Variants in UHRF2 observed in about 807,000 individuals in gnomAD.
The protein encoded by UHRF2 is E3 ubiquitin-protein ligase UHRF2.
In UHRF2, 23 loss-of-function variants were observed where a neutral mutation model predicts 96.8. That is an observed-to-expected ratio of 0.24 (90% CI 0.17 to 0.34). The LOEUF (loss-of-function observed/expected upper bound fraction) is 0.34, where lower values mean the gene tolerates loss of function less well. UHRF2 is among the 10% of genes least tolerant of loss of function. UHRF2 has a pLI of 1.00. For synonymous variants in UHRF2, 385 were observed against 332.6 expected (o/e 1.16, Z -1.72); for missense variants, 685 against 981.5 (o/e 0.70, Z 4.04).
Position 6,413,572 on chromosome 9 carries a change from C to G in UHRF2, c.82C>G (p.Leu28Val), listed in dbSNP as rs1464241842. The G allele has an allele frequency of 6.2e-7, 1 of 1,603,212 alleles. No individual in the cohort carries two copies. The highest frequency in any genetic ancestry group is 8.5e-7 in the Non-Finnish European group (1 of 1,175,312). ...DVSRKATIEE[L>V]RERVWALFDV... ...GTCTCGCAAAGCCACGATTGAGGAG[C>G]TGCGCGAGCGGGTGTGGGCGCTGTT... Residue 28 changes from leucine to valine, a missense_variant, in exon 1 of 16, where the codon CTG (leucine) becomes GTG (valine). This residue lies in a region of UHRF2 where 38 missense variants were observed against 35.9 expected (regional missense o/e 1.06). Coordinates refer to ENST00000276893, the MANE Select transcript of UHRF2 (RefSeq NM_152896.3).
intron 1 of UHRF2, among the ~76,000 whole-genome samples, chr9:6,418,633 T>C (rs1038654104): frequency 2.0e-5 from 3 of 152,300 alleles, no homozygotes; most frequent in Admixed American, 6.5e-5. Context: ...GTAATACATA[T>C]GAAGAGTAGA....
At chr9:6,505,293 G>A (rs1370394850) in intron 15 of UHRF2, among the ~76,000 whole-genome samples, 2 of 152,046 alleles carry the variant, frequency 1.3e-5, no homozygotes, top group Admixed American at 1.3e-4. Context: ...GTGTGTGTGT[G>A]TGTATATATA....
At chr9:6,457,135 A>G (rs1416560951) in intron 3 of UHRF2, among the ~76,000 whole-genome samples, 1 of 152,176 alleles carries the variant, frequency 6.6e-6, no homozygotes, top group Admixed American at 6.5e-5. Flanking sequence ...TCTTCTATCC[A>G]TGAGCATGGA....
intron 4 of UHRF2, among the ~76,000 whole-genome samples, chr9:6,467,646 G>A (rs989806625): frequency 1.9e-5 from 2 of 104,178 alleles, no homozygotes; most frequent in Non-Finnish European, 3.6e-5. Flanking sequence ...AAATAAAAAT[G>A]TATCTTAAAT....
intron 3 of UHRF2, among the ~76,000 whole-genome samples, chr9:6,444,328 A>G (rs73642521): frequency 0.027 from 4,126 of 152,334 alleles, 199 homozygotes; most frequent in African/African-American, 0.091. Flanking sequence ...GTGGATGGTA[A>G]TCAAAAGGAG....
chr9:6,430,697 A>G (rs967885359), intron 2 of UHRF2, among the ~76,000 whole-genome samples: 2 of 152,074 alleles, frequency 1.3e-5, no homozygotes, highest in Non-Finnish European at 2.9e-5. Flanking sequence ...CTACAATCCA[A>G]AGCCCACTGA....
At chr9:6,504,098 T>C (rs1477199601) in intron 14 of UHRF2, among the ~76,000 whole-genome samples, 2 of 140,172 alleles carry the variant, frequency 1.4e-5, no homozygotes, top group Non-Finnish European at 3.0e-5. Flanking sequence ...TGATCTCAGC[T>C]CACTGCAAGC....
intron 3 of UHRF2, among the ~76,000 whole-genome samples, chr9:6,442,563 C>T (rs1372097106): frequency 6.6e-6 from 1 of 152,022 alleles, no homozygotes; most frequent in Admixed American, 6.6e-5. Flanking sequence ...ACTGCAGCCT[C>T]GACTTTCTGG....
chr9:6,460,818 T>A (rs772526068), intron 4 of UHRF2, 27 bp downstream of exon 4: 1 of 1,580,326 alleles, frequency 6.3e-7, no homozygotes. Context: ...TGGTGCCATT[T>A]AATTAACTGA....
chr9:6,480,084 T>C (rs563867225), intron 6 of UHRF2, among the ~76,000 whole-genome samples: 5 of 152,310 alleles, frequency 3.3e-5, no homozygotes, highest in Non-Finnish European at 7.4e-5. Context: ...ACTCTCTAAC[T>C]TCGGTTGCTT....
chr9:6,501,151 T>G (rs988428438), intron 14 of UHRF2, among the ~76,000 whole-genome samples: 1 of 152,226 alleles, frequency 6.6e-6, no homozygotes, highest in Admixed American at 6.5e-5. Context: ...TTTCTAAATT[T>G]TCATTTTTTC....
At chr9:6,503,200 T>G (rs567163122) in intron 14 of UHRF2, among the ~76,000 whole-genome samples, 2 of 152,314 alleles carry the variant, frequency 1.3e-5, no homozygotes, top group East Asian at 3.9e-4. Context: ...TTGGCCATGT[T>G]GGCCAGGTTG....
chr9:6,474,092 A>T (rs764221151), intron 4 of UHRF2, among the ~76,000 whole-genome samples: 10 of 152,172 alleles, frequency 6.6e-5, no homozygotes, highest in Non-Finnish European at 2.9e-5. Flanking sequence ...ACTTCGGAGG[A>T]CATGAAGTTG....
chr9:6,483,182 A>G (rs1824028921), intron 8 of UHRF2, among the ~76,000 whole-genome samples: 1 of 151,854 alleles, frequency 6.6e-6, no homozygotes, highest in Non-Finnish European at 1.5e-5. Flanking sequence ...AAAATCAGAC[A>G]GGTGTGGTGG....
At chr9:6,487,166 C>CTTTTATTTTTTATTTTTTATT (rs1563799150) in intron 9 of UHRF2, among the ~76,000 whole-genome samples, 2 of 108,946 alleles carry the variant, frequency 1.8e-5, no homozygotes, top group African/African-American at 7.6e-5. Context: ...CTCTATAGAG[C>CTTTTATTTTTTATTTTTTATT]TTTTATTTTT....
chr9:6,446,955 C>T (rs1043616432), intron 3 of UHRF2, among the ~76,000 whole-genome samples: 1 of 152,130 alleles, frequency 6.6e-6, no homozygotes, highest in Non-Finnish European at 1.5e-5. Flanking sequence ...GTAGCACAAT[C>T]TCGGCTCACT....
intron 3 of UHRF2, among the ~76,000 whole-genome samples, chr9:6,458,293 G>C (rs1289896743): frequency 6.6e-6 from 1 of 152,126 alleles, no homozygotes; most frequent in African/African-American, 2.4e-5. Flanking sequence ...TATTTGTGTA[G>C]TATTCTCTGA....
At chr9:6,437,400 C>G (rs1330032268) in intron 3 of UHRF2, among the ~76,000 whole-genome samples, 2 of 151,876 alleles carry the variant, frequency 1.3e-5, no homozygotes, top group African/African-American at 4.8e-5. Flanking sequence ...GCCTGGCTAA[C>G]TTTTGTATCT....
intron 3 of UHRF2, among the ~76,000 whole-genome samples, chr9:6,453,775 G>A (rs1042504051): frequency 8.6e-5 from 13 of 152,026 alleles, no homozygotes; most frequent in Non-Finnish European, 1.6e-4. Flanking sequence ...AGTGGTGGCA[G>A]GTACTTGTAG....
Sources: allele counts gnomAD v4.1 joint callset (sites outside exome capture counted in the v4.1 genomes callset), GRCh38; gene constraint gnomAD v4.1.1; regional missense constraint gnomAD v4.1.1; transcripts MANE v1.5; gene names NCBI Gene and HGNC (gene_info 2026-07-23, HGNC 2026-07-21).